RALGAPA1: variants seen among roughly 807,000 people sequenced by gnomAD.
RALGAPA1 encodes the protein ral GTPase-activating protein subunit alpha-1.
In RALGAPA1, 52 loss-of-function variants were observed where a neutral mutation model predicts 269.6. The ratio of observed to expected loss-of-function variants is 0.19; its 90% CI spans 0.15 to 0.24. The LOEUF is 0.24. RALGAPA1 is among the 10% of genes least tolerant of loss of function. The pLI is 1.00. For missense variants in RALGAPA1, 1,917 were observed against 3,013.9 expected, an observed-to-expected ratio of 0.64 and a Z score of 8.52; for synonymous variants, 817 against 1,008.3, an observed-to-expected ratio of 0.81 and a Z score of 3.60.
intron 32 of RALGAPA1, 113 bp from the exon 33 acceptor site, chr14:35,634,870 T>C: frequency 3.7e-6 from 4 of 1,090,760 alleles, no homozygotes; most frequent in Non-Finnish European, 5.0e-6. Context: ...AGATTTTAAA[T>C]ATTTTAAAAC....
At position 35,689,537 on chromosome 14, in the gene RALGAPA1, C is replaced by A; in HGVS notation, c.2874G>T (p.Glu958Asp). ...KENQENHSKN[E>D]TGKDPASQEV... Reference sequence around the variant, plus strand: ...CCTGAGAAGCTGGGTCTTTCCCTGTCTCATTTTTACTATGATTTTCCTGGT... The same window carrying A: ...CCTGAGAAGCTGGGTCTTTCCCTGTATCATTTTTACTATGATTTTCCTGGT... The change falls in exon 18 of 42, where the codon GAG (glutamate) becomes GAT (aspartate). Residue 958 changes from glutamate to aspartate, a missense_variant. Around this residue, in one of 11 missense-constraint regions of RALGAPA1, gnomAD observed 615 missense variants for 790.0 expected, o/e 0.78. Transcript: ENST00000680220. 1 of 1,241,360 alleles carries A rather than the reference C, an allele frequency of 8.1e-7. No homozygotes were observed. The highest frequency in any genetic ancestry group is 1.0e-6 in the Non-Finnish European group (1 of 994,522). The allele number at this position is 1,241,360 out of a possible 1,614,324, so 76.9% of individuals were successfully genotyped here.
intron 1 of RALGAPA1, among the ~76,000 whole-genome samples, chr14:35,791,710 T>A (rs1171918756): frequency 6.6e-6 from 1 of 150,804 alleles, no homozygotes; most frequent in East Asian, 2.0e-4. Flanking sequence ...ATCGAGACCA[T>A]CCTGGCTAAC....
chr14:35,560,557 G>A (rs547810316), intron 39 of RALGAPA1, among the ~76,000 whole-genome samples: 1 of 151,840 alleles, frequency 6.6e-6, no homozygotes, highest in Non-Finnish European at 1.5e-5. Flanking sequence ...ATCCTACTTG[G>A]TCTATATCAC....
chr14:35,789,891 C>G (rs2076037039), intron 1 of RALGAPA1, among the ~76,000 whole-genome samples: 1 of 152,174 alleles, frequency 6.6e-6, no homozygotes, highest in Non-Finnish European at 1.5e-5. Flanking sequence ...TTCACAGCAG[C>G]TCTGGGCCCA....
chr14:35,781,979 C>A (rs1193712354), intron 1 of RALGAPA1, among the ~76,000 whole-genome samples: 3 of 152,140 alleles, frequency 2.0e-5, no homozygotes, highest in South Asian at 2.1e-4. Context: ...CTAGCCAAGA[C>A]AATTATGCAT....
chr14:35,609,843 A>C (rs767943372), intron 35 of RALGAPA1, among the ~76,000 whole-genome samples: 59 of 151,222 alleles, frequency 3.9e-4, no homozygotes, highest in Admixed American at 2.6e-4. Flanking sequence ...TGGGAGGATC[A>C]CTTGAGCCTG....
chr14:35,762,106 T>C (rs952300187), intron 5 of RALGAPA1, among the ~76,000 whole-genome samples: 4 of 152,210 alleles, frequency 2.6e-5, no homozygotes, highest in South Asian at 2.1e-4. Context: ...ATCTGTTGAA[T>C]GACTAAACAA....
chr14:35,700,991 AATAG>A (rs2067295787), intron 16 of RALGAPA1, among the ~76,000 whole-genome samples: 2 of 152,172 alleles, frequency 1.3e-5, no homozygotes, highest in Non-Finnish European at 2.9e-5. Context: ...TCTTGACAAA[AATAG>A]ATAATTTTGT....
chr14:35,760,821 A>T lies in RALGAPA1; in HGVS notation c.547+8T>A, dbSNP rs1296567923. The stretch of plus-strand genomic sequence containing the variant: ...ACCTACTGACGGATAACATCCCATG[A>T]ATCTTACTTTCTTGAAGGTTGAGTG... On this transcript the variant is annotated splice_region_variant and intron_variant, in intron 6 of 41. Transcript: ENST00000680220. 1 of 1,606,232 alleles carries T rather than the reference A, an allele frequency of 6.2e-7. No homozygotes were observed. The highest frequency in any genetic ancestry group is 1.7e-5 in the Admixed American group (1 of 59,828).
intron 31 of RALGAPA1, among the ~76,000 whole-genome samples, chr14:35,642,261 A>C (rs2062081521): frequency 6.6e-6 from 1 of 152,236 alleles, no homozygotes; most frequent in Non-Finnish European, 1.5e-5. Context: ...CATAAAGTTA[A>C]AAAGATTCTG....
chr14:35,779,573 AAATAAT>A lies in RALGAPA1; in HGVS notation c.107-3834_107-3829del, dbSNP rs2075296450. Among the ~76,000 whole-genome samples, 3 of 151,168 alleles carry A rather than the reference AAATAAT, an allele frequency of 2.0e-5. No homozygotes were observed. The South Asian group carries it at 6.2e-4, about 31-fold the overall frequency. On this transcript the variant is annotated intron_variant, in intron 1 of 41. Transcript: ENST00000680220. ...AATGAAATAATAATAAAGAAATAAT[AAATAAT>A]AATAAAGAAATAGGCTGCTACAATT...
intron 16 of RALGAPA1, chr14:35,706,555 C>T (rs2067826315): frequency 6.6e-6 from 1 of 151,086 alleles, no homozygotes; most frequent in Non-Finnish European, 1.5e-5. Flanking sequence ...TCTGTCCCTT[C>T]TCTGAATTCA....
At position 35,725,441 on chromosome 14, in the gene RALGAPA1, G is replaced by A. The variant is rs114318893; in HGVS notation, c.1737-288C>T. Among the ~76,000 whole-genome samples the A allele has an allele frequency of 4.2e-3, 642 of 152,130 alleles. 3 individuals carry two copies. Among genetic ancestry groups the A allele is most frequent in the African/African-American group, 0.014 (587 of 41,506 alleles). ...TAATGTGGAGAATGCTCCCGTCTCCGCAACCACAAATTAAGTAGTGACCTT... is the reference window on the plus strand; with the variant it reads ...TAATGTGGAGAATGCTCCCGTCTCCACAACCACAAATTAAGTAGTGACCTT... On this transcript the variant is annotated intron_variant, in intron 13 of 41. Transcript: ENST00000680220.
intron 39 of RALGAPA1, 150 bp downstream of exon 39, chr14:35,570,467 C>G (rs1008830013): frequency 1.9e-5 from 12 of 645,894 alleles, no homozygotes; most frequent in Non-Finnish European, 2.6e-5. Flanking sequence ...TTGAGACAAT[C>G]CCGGGAAACA....
intron 7 of RALGAPA1, 129 bp downstream of exon 7, chr14:35,756,664 C>T (rs2073204646): frequency 3.6e-6 from 2 of 558,648 alleles, no homozygotes; most frequent in Non-Finnish European, 6.0e-6. Context: ...TTGACCCTTC[C>T]CCTCCAACCT....
chr14:35,662,279 T>C lies in RALGAPA1; in HGVS notation c.5328+2363A>G, dbSNP rs114835018. Among the ~76,000 whole-genome samples, 297 of 152,294 alleles carry C rather than the reference T, an allele frequency of 2.0e-3. 3 individuals carry two copies. Among genetic ancestry groups the C allele is most frequent in the African/African-American group, 6.8e-3 (284 of 41,574 alleles). On this transcript the variant is annotated intron_variant, in intron 27 of 41. Transcript: ENST00000680220. ...AGGCAAGAAGAGGAGAGCAGAATTA[T>C]ACATACATGACACTTTAGTAGGAGA...
chr14:35,792,882 GAA>G (rs11339118), intron 1 of RALGAPA1, among the ~76,000 whole-genome samples: 1,858 of 117,458 alleles, frequency 0.016, 26 homozygotes, highest in Non-Finnish European at 0.022. Context: ...TTCAAGAGGG[GAA>G]AAAAAAAAAA....
At position 35,547,581 on chromosome 14, in the gene RALGAPA1, A is replaced by C. The variant is rs564960862; in HGVS notation, c.*23+927T>G. ...CTCTTTTAATATAATCTGACATTTTATCGGACATTCTCCATTATTAAACAA... is the reference window on the plus strand; with the variant it reads ...CTCTTTTAATATAATCTGACATTTTCTCGGACATTCTCCATTATTAAACAA... On this transcript the variant is annotated intron_variant, in intron 41 of 41. Coordinates refer to ENST00000680220, the MANE Select transcript of RALGAPA1 (RefSeq NM_001346249.2). Among the ~76,000 whole-genome samples, 5 of 152,264 alleles carry C rather than the reference A, an allele frequency of 3.3e-5. No homozygotes were observed. In the South Asian group the frequency reaches 8.3e-4, roughly 25 times the overall value.
chr14:35,560,807 C>A (rs1369632253), intron 39 of RALGAPA1, among the ~76,000 whole-genome samples: 1 of 152,146 alleles, frequency 6.6e-6, no homozygotes, highest in Non-Finnish European at 1.5e-5. Context: ...TATTTTCAGA[C>A]AGAATAAACT....
Sources: allele counts gnomAD v4.1 joint callset (sites outside exome capture counted in the v4.1 genomes callset), GRCh38; gene constraint gnomAD v4.1.1; regional missense constraint gnomAD v4.1.1; transcripts MANE v1.5; gene names NCBI Gene and HGNC (gene_info 2026-07-23, HGNC 2026-07-21).